ATE1: variants seen among roughly 807,000 people sequenced by gnomAD.
ATE1 encodes the protein arginyl-tRNA--protein transferase 1.
Under a neutral mutation model 70.5 loss-of-function variants are expected in ATE1, and 36 were observed. That is an observed-to-expected ratio of 0.51 (90% CI 0.39 to 0.67). ATE1 has a LOEUF of 0.67. ATE1 is among the 30% of genes least tolerant of loss of function. The pLI is 0.00. For missense variants in ATE1, 593 were observed against 629.5 expected (o/e 0.94, Z 0.62); for synonymous variants, 232 against 219.3 (o/e 1.06, Z -0.51).
At chr10:121,819,644 T>TTGCA (rs1309592822) in intron 10 of ATE1, among the ~76,000 whole-genome samples, 2 of 122,662 alleles carry the variant, frequency 1.6e-5, no homozygotes, top group Non-Finnish European at 3.1e-5. Flanking sequence ...GAGACAGAGC[T>TTGCA]TGCAGTGAGC....
chr10:121,878,140 A>C (rs1419411747), intron 7 of ATE1, among the ~76,000 whole-genome samples: 2 of 152,220 alleles, frequency 1.3e-5, no homozygotes, highest in African/African-American at 4.8e-5. Flanking sequence ...TGATAAATTT[A>C]TATGAAGCTA....
rs562633156 is a variant in ATE1 at position 121,823,609 on chromosome 10, T to C, written c.1257+13109A>G. Among the ~76,000 whole-genome samples, 5 of 152,328 alleles carry C rather than the reference T, an allele frequency of 3.3e-5. No homozygotes were observed. The South Asian group carries it at 1.0e-3, about 32-fold the overall frequency. The stretch of plus-strand genomic sequence containing the variant: ...ATGCAAGAGAAGGAAGCACATTTCC[T>C]TCTTCAGTAGGCCAGGGTAGAGCTC... On this transcript the variant is annotated intron_variant, in intron 10 of 11. Transcript: ENST00000224652.
intron 10 of ATE1, among the ~76,000 whole-genome samples, chr10:121,791,172 C>A (rs1306540754): frequency 3.3e-5 from 5 of 150,990 alleles, no homozygotes; most frequent in African/African-American, 4.9e-5. Flanking sequence ...TGGCTCACTG[C>A]AACATCTGCT....
intron 11 of ATE1, among the ~76,000 whole-genome samples, chr10:121,758,984 A>G (rs554536657): frequency 1.2e-4 from 18 of 152,074 alleles, no homozygotes; most frequent in Non-Finnish European, 2.4e-4. Flanking sequence ...CCTGAAACAC[A>G]ACAATATTGA....
At chr10:121,804,709 C>T (rs1947025866) in intron 10 of ATE1, among the ~76,000 whole-genome samples, 1 of 150,538 alleles carries the variant, frequency 6.6e-6, no homozygotes, top group Admixed American at 6.6e-5. Context: ...GTACGCAGCA[C>T]ACATTCTAGC....
intron 11 of ATE1, among the ~76,000 whole-genome samples, chr10:121,781,406 C>T (rs929103795): frequency 4.6e-5 from 7 of 152,196 alleles, no homozygotes; most frequent in Non-Finnish European, 1.0e-4. Context: ...ACACTCAGTG[C>T]GATACCATCA....
intron 10 of ATE1, among the ~76,000 whole-genome samples, chr10:121,817,065 T>C (rs1947570945): frequency 6.6e-6 from 1 of 152,162 alleles, no homozygotes; most frequent in African/African-American, 2.4e-5. Context: ...TTATCTTTCA[T>C]TAATATTGCC....
intron 10 of ATE1, among the ~76,000 whole-genome samples, chr10:121,814,903 A>T (rs1947474706): frequency 6.6e-6 from 1 of 152,356 alleles, no homozygotes; most frequent in South Asian, 2.1e-4. Flanking sequence ...GAAAATTATA[A>T]TACTAGAACC....
intron 2 of ATE1, 128 bp downstream of exon 2, chr10:121,924,138 C>T (rs536450711): frequency 2.7e-6 from 2 of 749,388 alleles, no homozygotes; most frequent in South Asian, 3.7e-5. Context: ...CAAAAAATCA[C>T]TACATAAAAG....
intron 3 of ATE1, among the ~76,000 whole-genome samples, chr10:121,920,169 C>G (rs11200260): frequency 6.6e-6 from 1 of 151,722 alleles, no homozygotes; most frequent in Non-Finnish European, 1.5e-5. Context: ...AAAATGTTAA[C>G]GCACTTTTCA....
intron 11 of ATE1, among the ~76,000 whole-genome samples, chr10:121,755,805 G>C (rs1944775887): frequency 6.6e-6 from 1 of 152,128 alleles, no homozygotes; most frequent in Admixed American, 6.5e-5. Context: ...TCACCACTGG[G>C]TCCCTCCCAA....
chr10:121,879,692 G>A (rs1020323700), intron 7 of ATE1, among the ~76,000 whole-genome samples: 1 of 152,096 alleles, frequency 6.6e-6, no homozygotes, highest in East Asian at 1.9e-4. Flanking sequence ...ACAGCCCCTG[G>A]CTACTCTATA....
chr10:121,805,760 C>A (rs1256213954), intron 10 of ATE1, among the ~76,000 whole-genome samples: 1 of 152,060 alleles, frequency 6.6e-6, no homozygotes, highest in East Asian at 1.9e-4. Flanking sequence ...AAGAAACTGT[C>A]AAAAACAAAA....
chr10:121,895,607 T>C (rs1033305612), intron 7 of ATE1, among the ~76,000 whole-genome samples: 1 of 147,706 alleles, frequency 6.8e-6, no homozygotes, highest in Non-Finnish European at 1.5e-5. Flanking sequence ...AGAGCGAAAC[T>C]CCGGCTCAAA....
At chr10:121,898,746 G>GA in intron 7 of ATE1, 1 of 1,443,408 alleles carries the variant, frequency 6.9e-7, no homozygotes, top group South Asian at 1.4e-5. Context: ...AATACACACT[G>GA]AAAGGGTCAT....
chr10:121,901,800 T>C (rs1950993012), intron 6 of ATE1, among the ~76,000 whole-genome samples: 1 of 152,162 alleles, frequency 6.6e-6, no homozygotes, highest in African/African-American at 2.4e-5. Context: ...CTGAGAAATC[T>C]TGATCTGATC....
At chr10:121,841,701 G>C (rs1348669640) in intron 8 of ATE1, among the ~76,000 whole-genome samples, 1 of 152,128 alleles carries the variant, frequency 6.6e-6, no homozygotes, top group East Asian at 1.9e-4. Flanking sequence ...TCACTTATAA[G>C]AGGGAGCTAA....
chr10:121,815,076 T>C (rs890792163), intron 10 of ATE1, among the ~76,000 whole-genome samples: 1 of 152,208 alleles, frequency 6.6e-6, no homozygotes, highest in African/African-American at 2.4e-5. Flanking sequence ...TTACATATAC[T>C]AAAAATAAGA....
chr10:121,864,118 T>A (rs1316903155), intron 8 of ATE1, among the ~76,000 whole-genome samples: 1 of 152,208 alleles, frequency 6.6e-6, no homozygotes, highest in African/African-American at 2.4e-5. Flanking sequence ...TTTAAAAAAT[T>A]TAAAATTCAG....
Sources: gnomAD v4.1 joint callset for allele counts (sites outside exome capture counted in the v4.1 genomes callset) on GRCh38, gnomAD v4.1.1 for gene constraint, MANE v1.5 for transcripts, NCBI Gene and HGNC (gene_info 2026-07-23, HGNC 2026-07-21) for gene names.